The following FMN1 variants were observed in gnomAD, a reference collection of about 807,000 sequenced individuals.
FMN1 encodes formin-1.
A neutral mutation model predicts 132.4 loss-of-function variants in FMN1; 110 were observed. That is an observed-to-expected ratio of 0.83 (90% CI 0.71 to 0.97). FMN1 has a LOEUF of 0.97. Ranked by LOEUF, FMN1 falls within the 50% of genes least tolerant of loss-of-function variation. The pLI is 0.00. For synonymous variants in FMN1, 722 were observed against 651.7 expected (o/e 1.11, Z -1.64); for missense variants, 1,792 against 1,705.3 (o/e 1.05, Z -0.90).
intron 4 of FMN1, among the ~76,000 whole-genome samples, chr15:33,099,316 C>G (rs940775200): frequency 2.0e-5 from 3 of 152,164 alleles, no homozygotes; most frequent in Non-Finnish European, 2.9e-5. Flanking sequence ...TCAATAAACT[C>G]TTTCGAGTGT....
Position 33,006,603 on chromosome 15 carries a change from C to T in FMN1, c.2223+1411G>A, listed in dbSNP as rs1196170446. On this transcript the variant is annotated intron_variant, in intron 7 of 20. Coordinates refer to ENST00000616417, the MANE Select transcript of FMN1 (RefSeq NM_001277313.2). Reference sequence around the variant, plus strand: ...ATCTACACTCTCATGTTGACTGCAGCGTTATTCACAAAAGCCAAGATATGG... The same window carrying T: ...ATCTACACTCTCATGTTGACTGCAGTGTTATTCACAAAAGCCAAGATATGG... Among the ~76,000 whole-genome samples the T allele has an allele frequency of 3.9e-5, 6 of 152,004 alleles. No homozygotes were observed. The East Asian group carries it at 5.8e-4, about 15-fold the overall frequency.
intron 17 of FMN1, among the ~76,000 whole-genome samples, chr15:32,808,974 G>A (rs933518090): frequency 6.6e-6 from 1 of 151,598 alleles, no homozygotes; most frequent in East Asian, 1.9e-4. Flanking sequence ...TCTACAAAAG[G>A]GTGGTTCCCT....
At chr15:32,950,674 A>G (rs1466331574) in intron 9 of FMN1, among the ~76,000 whole-genome samples, 1 of 152,108 alleles carries the variant, frequency 6.6e-6, no homozygotes, top group African/African-American at 2.4e-5. Context: ...AGCAACATAC[A>G]CTGGGGCCTA....
chr15:33,007,291 G>GA (rs2034472674), intron 7 of FMN1, among the ~76,000 whole-genome samples: 2 of 152,150 alleles, frequency 1.3e-5, no homozygotes, highest in Non-Finnish European at 2.9e-5. Context: ...AAATGTTACT[G>GA]AAATTTTGCT....
intron 9 of FMN1, among the ~76,000 whole-genome samples, chr15:32,955,749 A>G (rs2061750896): frequency 6.6e-6 from 1 of 152,214 alleles, no homozygotes; most frequent in African/African-American, 2.4e-5. Context: ...CTATATTCAA[A>G]TAAACTTTTG....
At chr15:32,958,460 A>T (rs2030088538) in intron 9 of FMN1, among the ~76,000 whole-genome samples, 1 of 152,146 alleles carries the variant, frequency 6.6e-6, no homozygotes, top group Non-Finnish European at 1.5e-5. Context: ...TATGTGCCAT[A>T]TGAGAGAAAT....
chr15:33,177,921 T>C (rs1965569066), intron 3 of FMN1, among the ~76,000 whole-genome samples: 4 of 152,018 alleles, frequency 2.6e-5, no homozygotes, highest in Non-Finnish European at 4.4e-5. Context: ...GGCAGGAGAA[T>C]TGCTTGAACC....
At chr15:32,907,033 T>TCC (rs931767395) in intron 12 of FMN1, among the ~76,000 whole-genome samples, 2 of 152,092 alleles carry the variant, frequency 1.3e-5, no homozygotes, top group Non-Finnish European at 2.9e-5. Flanking sequence ...TGTCCAGGCA[T>TCC]CCATGGGGAC....
At chr15:33,059,759 C>T (rs1174723078) in intron 6 of FMN1, among the ~76,000 whole-genome samples, 1 of 152,134 alleles carries the variant, frequency 6.6e-6, no homozygotes, top group African/African-American at 2.4e-5. Flanking sequence ...AACTAAATGA[C>T]CTAAGATGTT....
At chr15:33,081,716 G>C (rs565314369) in intron 5 of FMN1, among the ~76,000 whole-genome samples, 1 of 152,250 alleles carries the variant, frequency 6.6e-6, no homozygotes, top group East Asian at 1.9e-4. Flanking sequence ...CTCAGATCTG[G>C]GTTTAAATCC....
chr15:32,983,935 C>T (rs972288206), intron 7 of FMN1, among the ~76,000 whole-genome samples: 4 of 152,124 alleles, frequency 2.6e-5, no homozygotes, highest in Non-Finnish European at 4.4e-5. Context: ...ATTGCAGCTA[C>T]GTGGGAACAT....
chr15:33,017,957 C>T (rs886105262), intron 6 of FMN1, among the ~76,000 whole-genome samples: 2 of 151,736 alleles, frequency 1.3e-5, no homozygotes, highest in Admixed American at 6.6e-5. Context: ...CCCAGCTACT[C>T]GGGGGGCAGA....
chr15:33,105,758 C>T (rs2039460897), intron 4 of FMN1: 1 of 151,066 alleles, frequency 6.6e-6, no homozygotes, highest in South Asian at 2.1e-4. Flanking sequence ...ATATTATTTA[C>T]AATAAAAGTA....
At chr15:32,946,960 A>T (rs947208769) in intron 9 of FMN1, among the ~76,000 whole-genome samples, 2 of 152,170 alleles carry the variant, frequency 1.3e-5, no homozygotes, top group Non-Finnish European at 2.9e-5. Flanking sequence ...ATTCTTATTG[A>T]GCTATATGTA....
intron 4 of FMN1, among the ~76,000 whole-genome samples, chr15:33,128,720 T>C (rs1047797360): frequency 1.3e-5 from 2 of 152,170 alleles, no homozygotes; most frequent in Non-Finnish European, 2.9e-5. Flanking sequence ...ACGGTAAGTG[T>C]GACAGCTCTT....
intron 12 of FMN1, among the ~76,000 whole-genome samples, chr15:32,907,464 C>G (rs930310597): frequency 6.6e-6 from 1 of 151,986 alleles, no homozygotes; most frequent in Non-Finnish European, 1.5e-5. Flanking sequence ...GTGGTAATGC[C>G]GGCTTGTCTC....
Position 32,866,322 on chromosome 15 carries a change from G to A in FMN1, c.3836-9215C>T, listed in dbSNP as rs531709705. 2.6e-5 allele frequency among the ~76,000 whole-genome samples: 4 copies of A among 151,852 alleles called. No homozygotes were observed. In the South Asian group the frequency reaches 6.3e-4, roughly 24 times the overall value. ...AGTTTTTCATACACTCTATTTGGCT[G>A]GAAAAGTTATTTAATATCTGACTCT... is the stretch of plus-strand genomic sequence containing the variant. On this transcript the variant is annotated intron_variant, in intron 16 of 20. Coordinates refer to ENST00000616417, the MANE Select transcript of FMN1 (RefSeq NM_001277313.2).
intron 18 of FMN1, among the ~76,000 whole-genome samples, chr15:32,803,808 G>A (rs919122928): frequency 2.0e-5 from 3 of 152,212 alleles, no homozygotes; most frequent in Non-Finnish European, 4.4e-5. Flanking sequence ...CAGGCAAACA[G>A]GCAGAATAGT....
chr15:33,033,206 A>G (rs937006764), intron 6 of FMN1, among the ~76,000 whole-genome samples: 3 of 151,916 alleles, frequency 2.0e-5, no homozygotes, highest in Non-Finnish European at 4.4e-5. Flanking sequence ...AATTTTTTGT[A>G]TTTTTAGTAG....
Sources: gnomAD v4.1 joint callset for allele counts (sites outside exome capture counted in the v4.1 genomes callset) on GRCh38, gnomAD v4.1.1 for gene constraint, MANE v1.5 for transcripts, NCBI Gene and HGNC (gene_info 2026-07-23, HGNC 2026-07-21) for gene names.